SMCHD1: variants seen among roughly 807,000 people sequenced by gnomAD.
SMCHD1 encodes structural maintenance of chromosomes flexible hinge domain containing 1.
SMCHD1 carries 78 observed loss-of-function variants against 254.7 expected under a neutral mutation model. The ratio of observed to expected loss-of-function variants is 0.31; its 90% CI spans 0.26 to 0.37. The LOEUF is 0.37. Ranked by LOEUF, SMCHD1 falls within the 10% of genes least tolerant of loss-of-function variation. The pLI, the probability that SMCHD1 is intolerant of heterozygous loss-of-function variation, is 1.00. For missense variants in SMCHD1, 1,840 were observed against 2,408.1 expected, an observed-to-expected ratio of 0.76 and a Z score of 4.94; for synonymous variants, 766 against 794.9, an observed-to-expected ratio of 0.96 and a Z score of 0.61.
At chr18:2,678,856 T>G (rs1598301982) in intron 5 of SMCHD1, among the ~76,000 whole-genome samples, 1 of 20,390 alleles carries the variant, frequency 4.9e-5, no homozygotes, top group Admixed American at 9.6e-4. Context: ...TGTTTTTTTG[T>G]TTTTTTTTTT....
chr18:2,779,372 A>C (rs1224412576), intron 44 of SMCHD1, among the ~76,000 whole-genome samples: 2 of 152,054 alleles, frequency 1.3e-5, no homozygotes, highest in Non-Finnish European at 2.9e-5. Flanking sequence ...TATTGTTCTC[A>C]CCCATGAGGG....
rs1475781704 is a variant in SMCHD1, at chr18:2,717,683, G to T, written c.2261-475G>T. 2.6e-5 allele frequency among the ~76,000 whole-genome samples: 4 copies of T among 152,046 alleles called. No individual in the cohort carries two copies. In the South Asian group the frequency reaches 8.3e-4, roughly 32 times the overall value. On this transcript the variant is annotated intron_variant, in intron 17 of 47. Coordinates refer to ENST00000320876, the MANE Select transcript of SMCHD1 (RefSeq NM_015295.3). ...AAGTTCACAGTGTGAATGCACTATT[G>T]TACTGTTTCCAAGTGGGTAAGGTTG...
intron 24 of SMCHD1, 106 bp downstream of exon 24, chr18:2,729,515 G>T: frequency 1.3e-6 from 1 of 764,956 alleles, no homozygotes; most frequent in Non-Finnish European, 1.9e-6. Flanking sequence ...TGAAAATGAG[G>T]TATTTGTGGT....
rs79617877 is a variant in SMCHD1, at chr18:2,781,257, T to C, written c.5547+3018T>C. Among the ~76,000 whole-genome samples the C allele has an allele frequency of 2.9e-3, 440 of 152,350 alleles. 4 individuals carry two copies. The highest frequency in any genetic ancestry group is 0.01 in the African/African-American group (416 of 41,580). ...GGAACTACCAGAAAAGTCTCTCTCTTGAACTTTGGCACTAAGCGGAAAAGT... is the reference window on the plus strand; with the variant it reads ...GGAACTACCAGAAAAGTCTCTCTCTCGAACTTTGGCACTAAGCGGAAAAGT... On this transcript the variant is annotated intron_variant, in intron 44 of 47. Coordinates refer to ENST00000320876, the MANE Select transcript of SMCHD1 (RefSeq NM_015295.3).
chr18:2,785,437 A>G (rs917509419), intron 45 of SMCHD1, among the ~76,000 whole-genome samples: 2 of 152,056 alleles, frequency 1.3e-5, no homozygotes, highest in African/African-American at 4.8e-5. Context: ...TCATGAGGTC[A>G]GGAGATCGAG....
intron 45 of SMCHD1, among the ~76,000 whole-genome samples, chr18:2,793,537 C>T (rs1337201678): frequency 6.6e-6 from 1 of 151,474 alleles, no homozygotes; most frequent in Non-Finnish European, 1.5e-5. Flanking sequence ...TGGTGGCGGG[C>T]GCCTGTAGTC....
chr18:2,761,833 T>A (rs1349764874), intron 35 of SMCHD1, among the ~76,000 whole-genome samples: 1 of 152,070 alleles, frequency 6.6e-6, no homozygotes, highest in Admixed American at 6.5e-5. Flanking sequence ...AACAAAAAAC[T>A]GTCGGTATAC....
chr18:2,661,273 C>T (rs1016568616), intron 1 of SMCHD1, among the ~76,000 whole-genome samples: 8 of 151,774 alleles, frequency 5.3e-5, no homozygotes, highest in Admixed American at 2.6e-4. Flanking sequence ...TGTGGCAAAC[C>T]ACCATGGCAC....
At chr18:2,711,569 G>A (rs1464589597) in intron 17 of SMCHD1, among the ~76,000 whole-genome samples, 2 of 137,334 alleles carry the variant, frequency 1.5e-5, no homozygotes, top group African/African-American at 5.4e-5. Flanking sequence ...TGCAAGCTCC[G>A]CCTCCCGGGT....
intron 19 of SMCHD1, among the ~76,000 whole-genome samples, chr18:2,719,501 G>C (rs2143379863): frequency 6.6e-6 from 1 of 152,172 alleles, no homozygotes; most frequent in Admixed American, 6.5e-5. Context: ...GTTTCACTAT[G>C]TTGGCCAGGC....
intron 47 of SMCHD1, 24 bp from the exon 48 acceptor site, chr18:2,802,502 CTT>C (rs761431352): frequency 2.6e-6 from 4 of 1,541,576 alleles, no homozygotes; most frequent in South Asian, 2.4e-5. Context: ...GTACATAAAA[CTT>C]TTTTTTCTTT....
chr18:2,662,173 AAAAAAT>A (rs1203659788), intron 1 of SMCHD1, among the ~76,000 whole-genome samples: 13 of 90,116 alleles, frequency 1.4e-4, no homozygotes, highest in African/African-American at 1.1e-3. Flanking sequence ...CTCAAAAAAA[AAAAAAT>A]AAAATAAATA....
intron 22 of SMCHD1, among the ~76,000 whole-genome samples, chr18:2,727,948 TTCTTAA>T (rs2075058154): frequency 6.6e-6 from 1 of 152,170 alleles, no homozygotes; most frequent in Middle Eastern, 3.4e-3. Flanking sequence ...AAGCCTACTT[TTCTTAA>T]TCTTAAAGGA....
At chr18:2,775,686 T>A (rs748191208) in intron 41 of SMCHD1, 48 bp from the exon 42 acceptor site, 14 of 1,506,102 alleles carry the variant, frequency 9.3e-6, no homozygotes, top group African/African-American at 1.4e-5. Context: ...ATATCAAATT[T>A]TTATATATGG....
intron 15 of SMCHD1, among the ~76,000 whole-genome samples, chr18:2,707,166 T>C (rs2074535759): frequency 6.6e-6 from 1 of 151,808 alleles, no homozygotes; most frequent in Non-Finnish European, 1.5e-5. Context: ...CAGTGAGTTA[T>C]AAAGAAGAAG....
chr18:2,729,414 GTTA>G lies in SMCHD1; in HGVS notation c.3048+11_3048+13del. On this transcript the variant is annotated splice_donor_region_variant and intron_variant, in intron 24 of 47. Coordinates refer to ENST00000320876, the MANE Select transcript of SMCHD1 (RefSeq NM_015295.3). ...AAAGCAAGAATTGAAATACCTGTAA[GTTA>G]TTATTGTTACTCATTGATATTATAT... 3.3e-6 allele frequency: 5 copies of G among 1,502,388 alleles called. No homozygotes were observed. Among genetic ancestry groups the G allele is most frequent in the Non-Finnish European group, 4.4e-6 (5 of 1,127,406 alleles). 93.1% of individuals were successfully genotyped at this position (1,502,388 alleles called of 1,614,324 possible). A position where few individuals can be genotyped will look rare whatever the true frequency, so the allele number is the denominator to read the frequency against.
intron 45 of SMCHD1, chr18:2,784,933 A>AAG: frequency 2.4e-6 from 1 of 412,778 alleles, no homozygotes; most frequent in East Asian, 6.8e-5. Context: ...GCAACGTAGC[A>AAG]AGACTCCATC....
At chr18:2,678,834 T>TG (rs200531637) in intron 5 of SMCHD1, among the ~76,000 whole-genome samples, 4 of 127,104 alleles carry the variant, frequency 3.1e-5, no homozygotes, top group African/African-American at 6.9e-5. Flanking sequence ...TTTTTTTTTT[T>TG]TTTTGTTTGT....
rs376328601 is a variant in SMCHD1, at chr18:2,697,989, T to C, written c.1290T>C (p.His430=). The part of the protein sequence containing the change: ...DGVVEGIIRY[H]PFLYDRETYP... ...TAGTGGAAGGGATTATCCGTTATCA[T>C]CCATTCTTATATGATAGAGAAACTT... The change falls in exon 10 of 48, where the codon CAT becomes CAC. Residue 430 remains histidine, a synonymous_variant. Transcript: ENST00000320876. The C allele has an allele frequency of 4.3e-5, 70 of 1,613,572 alleles. 1 individual carries two copies. The highest frequency in any genetic ancestry group is 3.3e-4 in the East Asian group (15 of 44,822).
Sources: allele counts gnomAD v4.1 joint callset (sites outside exome capture counted in the v4.1 genomes callset), GRCh38; gene constraint gnomAD v4.1.1; transcripts MANE v1.5; gene names NCBI Gene and HGNC (gene_info 2026-07-23, HGNC 2026-07-21).